Variants in PAK3 observed in about 807,000 individuals in gnomAD.
The protein encoded by PAK3 is serine/threonine-protein kinase PAK 3.
Under a neutral mutation model 41.0 loss-of-function variants are expected in PAK3, and 4 were observed. That is an observed-to-expected ratio of 0.10 (90% CI 0.05 to 0.22). The LOEUF (loss-of-function observed/expected upper bound fraction) is 0.22, where lower values mean the gene tolerates loss of function less well. PAK3 is among the 10% of genes least tolerant of loss of function. The pLI is 1.00. For synonymous variants in PAK3, 146 were observed against 139.6 expected (o/e 1.05, Z -0.32); for missense variants, 205 against 409.9 (o/e 0.50, Z 4.32).
At chrX:111,154,755 T>C (rs1719668965) in intron 8 of PAK3, among the ~76,000 whole-genome samples, 1 of 110,808 alleles carries the variant, frequency 9.0e-6, no homozygotes, top group African/African-American at 3.3e-5. Context: ...AGGGAGGTAA[T>C]AGGAAAATGG....
chrX:111,089,172 C>T (rs775842238), intron 1 of PAK3, among the ~76,000 whole-genome samples: 1 of 111,634 alleles, frequency 9.0e-6, no homozygotes, highest in Non-Finnish European at 1.9e-5. Flanking sequence ...CAATGTACTG[C>T]GGCTGTGCAA....
chrX:110,999,661 ATT>A (rs2091811807), intron 1 of PAK3, among the ~76,000 whole-genome samples: 1 of 96,114 alleles, frequency 1.0e-5, no homozygotes, highest in African/African-American at 4.1e-5. Flanking sequence ...TAGTGGTATT[ATT>A]TTTTATAAAA....
chrX:111,159,085 G>A (rs1369171876), intron 8 of PAK3, among the ~76,000 whole-genome samples: 1 of 111,222 alleles, frequency 9.0e-6, no homozygotes, highest in Admixed American at 9.6e-5. Context: ...TATTTTTGCT[G>A]TAAATTTTTG....
At chrX:111,178,151 C>T (rs2094426228) in intron 11 of PAK3, among the ~76,000 whole-genome samples, 1 of 110,832 alleles carries the variant, frequency 9.0e-6, no homozygotes, top group Admixed American at 9.6e-5. Flanking sequence ...TGAACACCTA[C>T]CCCCAATAAT....
At chrX:111,202,726 A>T (rs1033817468) in intron 16 of PAK3, among the ~76,000 whole-genome samples, 10 of 111,695 alleles carry the variant, frequency 9.0e-5, no homozygotes, top group Non-Finnish European at 1.9e-4. Context: ...TTTTACACGT[A>T]ATGGGGCTAT....
At chrX:111,144,366 C>A (rs1469063396) in intron 6 of PAK3, among the ~76,000 whole-genome samples, 1 of 112,171 alleles carries the variant, frequency 8.9e-6, no homozygotes, top group Non-Finnish European at 1.9e-5. Flanking sequence ...TTTGTAACTA[C>A]TTGTTCATAC....
intron 1 of PAK3, among the ~76,000 whole-genome samples, chrX:110,973,771 A>G (rs771311585): frequency 1.4e-4 from 16 of 112,225 alleles, no homozygotes; most frequent in African/African-American, 5.2e-4. Context: ...CAGACTGGCA[A>G]ATTGGATAAA....
intron 4 of PAK3, among the ~76,000 whole-genome samples, chrX:111,113,955 T>C (rs2093419356): frequency 8.9e-6 from 1 of 112,250 alleles, no homozygotes; most frequent in South Asian, 3.7e-4. Flanking sequence ...GGACATGAAC[T>C]CATCCTTTTT....
chrX:111,042,559 C>T (rs928250947), intron 1 of PAK3, among the ~76,000 whole-genome samples: 7 of 111,942 alleles, frequency 6.3e-5, no homozygotes, highest in Admixed American at 2.8e-4. Flanking sequence ...CGCCATCCTA[C>T]TTTTCTTGTG....
intron 16 of PAK3, among the ~76,000 whole-genome samples, chrX:111,210,698 G>A (rs2094810042): frequency 8.9e-6 from 1 of 111,922 alleles, no homozygotes; most frequent in African/African-American, 3.2e-5. Context: ...ATCCACAGTT[G>A]GTTATAACAC....
At chrX:111,078,973 T>A (rs979592936) in intron 1 of PAK3, among the ~76,000 whole-genome samples, 37 of 112,276 alleles carry the variant, frequency 3.3e-4, no homozygotes, top group African/African-American at 1.2e-3. Flanking sequence ...AAGGCCTAAC[T>A]TTCTTCAATT....
At chrX:110,977,632 A>T (rs1402355489) in intron 1 of PAK3, among the ~76,000 whole-genome samples, 2 of 111,633 alleles carry the variant, frequency 1.8e-5, no homozygotes, top group Admixed American at 9.5e-5. Context: ...TGTTAAATTT[A>T]TTCCTAAATA....
intron 1 of PAK3, among the ~76,000 whole-genome samples, chrX:110,961,317 A>G (rs775806058): frequency 1.7e-4 from 19 of 111,908 alleles, no homozygotes; most frequent in African/African-American, 5.8e-4. Context: ...GAAATCTTAC[A>G]AAGTGACGTT....
At chrX:111,199,717 T>C (rs2094657819) in intron 16 of PAK3, among the ~76,000 whole-genome samples, 1 of 111,773 alleles carries the variant, frequency 8.9e-6, no homozygotes, top group African/African-American at 3.3e-5. Context: ...TAGAAAATGA[T>C]TGGAAACAGT....
rs772630908 is a variant in PAK3, at chrX:111,146,509, C to T, written c.277-1228C>T. 6 of 1,095,765 alleles carry T rather than the reference C, an allele frequency of 5.5e-6. No individual in the cohort carries two copies. In the African/African-American group the frequency reaches 5.5e-5, roughly 10 times the overall value. The allele number at this position is 1,095,765 out of a possible 1,213,427, so 90.3% of individuals were successfully genotyped here. ...TAACTTTCTTTTCTTTCTTTATTTA[C>T]GTCCATTACAGCCAGATCTCTATGG... On this transcript the variant is annotated intron_variant, in intron 6 of 17. Coordinates refer to ENST00000372007, the MANE Select transcript of PAK3 (RefSeq NM_002578.5).
At chrX:111,145,043 T>C (rs960231241) in intron 6 of PAK3, 2 of 403,173 alleles carry the variant, frequency 5.0e-6, no homozygotes, top group East Asian at 8.6e-5. Context: ...CTAGTTGGTA[T>C]CCTATACACA....
intron 1 of PAK3, among the ~76,000 whole-genome samples, chrX:110,970,034 A>T (rs1254499665): frequency 8.9e-6 from 1 of 111,775 alleles, no homozygotes; most frequent in Non-Finnish European, 1.9e-5. Flanking sequence ...TCCTGTATAG[A>T]TTTTGTTACA....
At chrX:111,035,973 C>T (rs993049590) in intron 1 of PAK3, among the ~76,000 whole-genome samples, 27 of 112,326 alleles carry the variant, frequency 2.4e-4, no homozygotes, top group African/African-American at 8.1e-4. Flanking sequence ...ACAAGCTAAA[C>T]GGCCAGTCAA....
At chrX:111,126,876 T>C (rs2093655269) in intron 5 of PAK3, among the ~76,000 whole-genome samples, 1 of 111,705 alleles carries the variant, frequency 9.0e-6, no homozygotes, top group African/African-American at 3.2e-5. Flanking sequence ...GTGCCTATAA[T>C]TTTATAAGCC....
Sources: allele counts gnomAD v4.1 joint callset (sites outside exome capture counted in the v4.1 genomes callset), GRCh38; gene constraint gnomAD v4.1.1; transcripts MANE v1.5; gene names NCBI Gene and HGNC (gene_info 2026-07-23, HGNC 2026-07-21).